Variants in SGCD observed in about 807,000 individuals in gnomAD.
The protein encoded by SGCD is delta-sarcoglycan.
In SGCD, 18 loss-of-function variants were observed where a neutral mutation model predicts 36.6. That is an observed-to-expected ratio of 0.49 (90% confidence interval 0.34 to 0.73). SGCD has a LOEUF of 0.73. SGCD is among the 30% of genes least tolerant of loss of function. SGCD has a pLI of 0.01. For synonymous variants in SGCD, 133 were observed against 130.6 expected (o/e 1.02, Z -0.12); for missense variants, 387 against 346.7 (o/e 1.12, Z -0.92).
chr5:155,817,734 A>AT, the SGCD span, among the ~76,000 whole-genome samples: 1 of 152,186 alleles, frequency 6.6e-6, no homozygotes, highest in Non-Finnish European at 1.5e-5. Flanking sequence ...AAGTCTGAGC[A>AT]TATCTTAATA....
intron 3 of SGCD, among the ~76,000 whole-genome samples, chr5:156,220,941 A>C (rs1764702007): frequency 6.6e-6 from 1 of 152,158 alleles, no homozygotes; most frequent in Non-Finnish European, 1.5e-5. Flanking sequence ...TCCATGTGGC[A>C]TAACTAGGAC....
At chr5:156,073,255 C>T (rs1347423784) in intron 1 of SGCD, among the ~76,000 whole-genome samples, 2 of 151,906 alleles carry the variant, frequency 1.3e-5, no homozygotes, top group African/African-American at 4.8e-5. Flanking sequence ...ACCTGATTTC[C>T]CCTCTATTAT....
intron 1 of SGCD, among the ~76,000 whole-genome samples, chr5:156,032,049 A>T (rs1759358595): frequency 6.6e-6 from 1 of 152,188 alleles, no homozygotes; most frequent in Non-Finnish European, 1.5e-5. Context: ...CTTACATATC[A>T]GTGTGTATCT....
intron 3 of SGCD, among the ~76,000 whole-genome samples, chr5:156,385,305 G>T (rs961419714): frequency 2.0e-5 from 3 of 152,200 alleles, no homozygotes; most frequent in Non-Finnish European, 1.5e-5. Context: ...TAGGCAACAG[G>T]CACCAGGGCA....
chr5:156,169,180 T>C (rs1285579491), intron 3 of SGCD, among the ~76,000 whole-genome samples: 1 of 152,150 alleles, frequency 6.6e-6, no homozygotes, highest in Non-Finnish European at 1.5e-5. Context: ...ACTTGAAAAA[T>C]GAACAGGCTC....
intron 3 of SGCD, among the ~76,000 whole-genome samples, chr5:156,143,135 C>T (rs1762616032): frequency 6.6e-6 from 1 of 152,234 alleles, no homozygotes; most frequent in East Asian, 1.9e-4. Context: ...TCCTCCTACT[C>T]CAGCCTTGGC....
chr5:156,074,155 G>A (rs1045236660), intron 1 of SGCD, among the ~76,000 whole-genome samples: 1 of 152,134 alleles, frequency 6.6e-6, no homozygotes, highest in Non-Finnish European at 1.5e-5. Context: ...ATATCTTTTG[G>A]AACCACATAT....
chr5:156,679,217 C>T (rs984372144), intron 7 of SGCD, among the ~76,000 whole-genome samples: 2 of 152,194 alleles, frequency 1.3e-5, no homozygotes, highest in African/African-American at 4.8e-5. Flanking sequence ...CTTCTAGTTT[C>T]ATGATCACCT....
At position 156,657,639 on chromosome 5, in the gene SGCD, G is replaced by A. The variant is rs1461249678; in HGVS notation, c.575+10103G>A. ...TTAGCTGGGTGTGGTGGTGCATGCCGGTAATCCCAGCTAGTTGGGAGGCTG... is the reference window on the plus strand; with the variant it reads ...TTAGCTGGGTGTGGTGGTGCATGCCAGTAATCCCAGCTAGTTGGGAGGCTG... On this transcript the variant is annotated intron_variant, in intron 7 of 8. Coordinates refer to ENST00000337851, the MANE Select transcript of SGCD (RefSeq NM_000337.6). 4.6e-5 allele frequency among the ~76,000 whole-genome samples: 7 copies of A among 151,718 alleles called. No homozygotes were observed. In the East Asian group the frequency reaches 7.8e-4, roughly 17 times the overall value.
chr5:156,337,708 T>C (rs907034931), intron 2 of SGCD, among the ~76,000 whole-genome samples: 3 of 152,238 alleles, frequency 2.0e-5, no homozygotes, highest in African/African-American at 7.2e-5. Flanking sequence ...TGTCCATTAT[T>C]GTTTATTGTC....
At chr5:156,365,660 C>A (rs942645792) in intron 3 of SGCD, among the ~76,000 whole-genome samples, 1 of 152,036 alleles carries the variant, frequency 6.6e-6, no homozygotes, top group African/African-American at 2.4e-5. Context: ...ATTTGTGTAT[C>A]TGTGTATGCA....
At chr5:156,604,726 A>ATATATGTATATATATATATATACACATTT (rs1761347093) in intron 6 of SGCD, among the ~76,000 whole-genome samples, 1 of 110,084 alleles carries the variant, frequency 9.1e-6, no homozygotes, top group Non-Finnish European at 1.8e-5. Flanking sequence ...TATGCACATT[A>ATATATGTATATATATATATATACACATTT]TATATGTATA....
chr5:156,174,449 A>G (rs1449747840), intron 3 of SGCD, among the ~76,000 whole-genome samples: 3 of 152,132 alleles, frequency 2.0e-5, no homozygotes, highest in Admixed American at 1.3e-4. Flanking sequence ...GAGAGAGAGT[A>G]AGAGAGATTG....
At chr5:156,014,235 C>T (rs1409925650) in intron 1 of SGCD, among the ~76,000 whole-genome samples, 1 of 152,050 alleles carries the variant, frequency 6.6e-6, no homozygotes, top group Non-Finnish European at 1.5e-5. Context: ...GTACTTTGCT[C>T]ATTCAGTTTC....
intron 3 of SGCD, among the ~76,000 whole-genome samples, chr5:156,292,349 G>C (rs570127245): frequency 6.6e-6 from 1 of 151,952 alleles, no homozygotes; most frequent in South Asian, 2.1e-4. Flanking sequence ...TAAGTACCAC[G>C]AACAAGTGGG....
intron 7 of SGCD, among the ~76,000 whole-genome samples, chr5:156,685,915 T>G (rs1479882981): frequency 6.6e-6 from 1 of 152,062 alleles, no homozygotes; most frequent in Non-Finnish European, 1.5e-5. Context: ...GGGGCTTTCC[T>G]GAGGGTGGAG....
At chr5:156,574,767 T>A (rs1759860494) in intron 4 of SGCD, among the ~76,000 whole-genome samples, 1 of 152,218 alleles carries the variant, frequency 6.6e-6, no homozygotes, top group Admixed American at 6.5e-5. Context: ...TAGTTGTTTT[T>A]CTCTCCGTGT....
intron 4 of SGCD, among the ~76,000 whole-genome samples, chr5:156,542,712 A>T (rs907848626): frequency 1.7e-4 from 26 of 152,174 alleles, no homozygotes; most frequent in Non-Finnish European, 3.1e-4. Flanking sequence ...CAGCATTCCT[A>T]CTTATGCAGT....
intron 7 of SGCD, chr5:156,738,663 C>T (rs1396282142): frequency 6.6e-6 from 1 of 152,162 alleles, no homozygotes; most frequent in African/African-American, 2.4e-5. Flanking sequence ...CAGGATGCCT[C>T]TTGTGGATAA....
Sources: gnomAD v4.1 joint callset for allele counts (sites outside exome capture counted in the v4.1 genomes callset) on GRCh38, gnomAD v4.1.1 for gene constraint, MANE v1.5 for transcripts, NCBI Gene and HGNC (gene_info 2026-07-23, HGNC 2026-07-21) for gene names.